Variants in GRID2 observed in about 807,000 individuals in gnomAD.
The protein encoded by GRID2 is glutamate receptor ionotropic, delta-2.
Under a neutral mutation model 114.8 loss-of-function variants are expected in GRID2, and 33 were observed. The observed-to-expected ratio is 0.29, with a 90% CI of 0.22 to 0.38. The LOEUF (loss-of-function observed/expected upper bound fraction) is 0.38. Among genes scored for constraint, GRID2 ranks in the 10% least tolerant of loss-of-function variants. The pLI is 1.00. For missense variants in GRID2, 1,184 were observed against 1,257.7 expected, an observed-to-expected ratio of 0.94 and a Z score of 0.89; for synonymous variants, 505 against 449.9, an observed-to-expected ratio of 1.12 and a Z score of -1.55.
At chr4:93,615,141 T>C (rs1217001947) in intron 13 of GRID2, among the ~76,000 whole-genome samples, 1 of 152,244 alleles carries the variant, frequency 6.6e-6, no homozygotes, top group Non-Finnish European at 1.5e-5. Context: ...GAGAGTTCAA[T>C]TATTAGCAAT....
chr4:92,768,021 G>T (rs778664074), intron 2 of GRID2, among the ~76,000 whole-genome samples: 2 of 151,440 alleles, frequency 1.3e-5, no homozygotes, highest in Non-Finnish European at 2.9e-5. Context: ...TGTTATTTGT[G>T]TACTTAAAAA....
chr4:93,036,940 T>C (rs1163654925), intron 2 of GRID2, among the ~76,000 whole-genome samples: 4 of 152,132 alleles, frequency 2.6e-5, no homozygotes, highest in Non-Finnish European at 5.9e-5. Flanking sequence ...AATATAACAA[T>C]TGGCAAAGAA....
chr4:92,511,224 T>C (rs1724229426), intron 1 of GRID2, among the ~76,000 whole-genome samples: 1 of 151,850 alleles, frequency 6.6e-6, no homozygotes. Context: ...ACACATCACA[T>C]GGCAAGAGTG....
intron 2 of GRID2, among the ~76,000 whole-genome samples, chr4:92,613,179 C>G (rs1054378172): frequency 2.0e-5 from 3 of 151,232 alleles, no homozygotes; most frequent in African/African-American, 7.3e-5. Flanking sequence ...TTGAGGTGAT[C>G]ATGTGGTTTT....
intron 13 of GRID2, among the ~76,000 whole-genome samples, chr4:93,539,395 T>G (rs1732425717): frequency 1.3e-5 from 2 of 152,036 alleles, no homozygotes; most frequent in Admixed American, 1.3e-4. Flanking sequence ...TAGCACTTAT[T>G]CAACCTCAAG....
At chr4:93,483,381 A>G (rs1553937223) in intron 11 of GRID2, among the ~76,000 whole-genome samples, 25 of 151,910 alleles carry the variant, frequency 1.6e-4, no homozygotes, top group Non-Finnish European at 8.8e-5. Flanking sequence ...GTTTTCTCCC[A>G]TTTTTTTCTA....
intron 2 of GRID2, among the ~76,000 whole-genome samples, chr4:92,876,813 G>A (rs76475201): frequency 0.04 from 6,153 of 152,250 alleles, 192 homozygotes; most frequent in East Asian, 0.14. Context: ...TTAGCAAGTA[G>A]CAAGCTAATT....
downstream of GRID2, among the ~76,000 whole-genome samples, chr4:93,778,393 C>CTTT (rs36000401): frequency 6.8e-3 from 666 of 98,580 alleles, 18 homozygotes; most frequent in East Asian, 0.022. Context: ...TCTCATTTGG[C>CTTT]TTTTTTTTTT....
intron 8 of GRID2, among the ~76,000 whole-genome samples, chr4:93,248,469 C>T (rs945829220): frequency 6.6e-6 from 1 of 152,138 alleles, no homozygotes. Flanking sequence ...TGACAACACT[C>T]ATGATATGAT....
intron 8 of GRID2, among the ~76,000 whole-genome samples, chr4:93,355,952 T>C (rs1389262166): frequency 6.6e-6 from 1 of 152,052 alleles, no homozygotes; most frequent in Non-Finnish European, 1.5e-5. Context: ...GCTGGTGCCC[T>C]CATTAATTAT....
At chr4:93,099,449 T>C (rs749451939) in intron 3 of GRID2, among the ~76,000 whole-genome samples, 1 of 152,016 alleles carries the variant, frequency 6.6e-6, no homozygotes, top group Middle Eastern at 3.4e-3. Context: ...GGTGGTAACC[T>C]TATATAAATC....
At position 93,055,978 on chromosome 4, in the gene GRID2, C is replaced by T. The variant is rs770671064; in HGVS notation, c.245-29017C>T. ...CTTTTGAATTCACACTCTTAGTTTA[C>T]GACATGCTGCTTTTCTGAATTCTTT... On this transcript the variant is annotated intron_variant, in intron 2 of 15. Transcript: ENST00000282020. 2.6e-4 allele frequency among the ~76,000 whole-genome samples: 39 copies of T among 151,942 alleles called. No homozygotes were observed. In the Middle Eastern group the frequency reaches 0.017, roughly 67 times the overall value.
intron 14 of GRID2, among the ~76,000 whole-genome samples, chr4:93,729,159 G>C (rs1315011797): frequency 6.6e-6 from 1 of 152,150 alleles, no homozygotes; most frequent in Non-Finnish European, 1.5e-5. Flanking sequence ...GCCTCCCAAA[G>C]TGCTGGGATT....
At chr4:93,779,093 GATGTGTCCA>G (rs2110349080), downstream of GRID2, among the ~76,000 whole-genome samples, 1 of 152,102 alleles carries the variant, frequency 6.6e-6, no homozygotes, top group East Asian at 1.9e-4. Context: ...CAAAGTTTTT[GATGTGTCCA>G]ATGGCTCAAT....
chr4:92,590,086 G>A (rs2149210915), intron 1 of GRID2, 45 bp from the exon 2 acceptor site: 1 of 1,337,672 alleles, frequency 7.5e-7, no homozygotes, highest in Non-Finnish European at 1.1e-6. Flanking sequence ...GGGGATGACA[G>A]AATATTTATG....
intron 1 of GRID2, among the ~76,000 whole-genome samples, chr4:92,567,980 G>A (rs146672870): frequency 6.4e-4 from 97 of 152,022 alleles, no homozygotes; most frequent in African/African-American, 2.2e-3. Flanking sequence ...GCATCAGATG[G>A]CCATATAAAC....
At position 92,963,018 on chromosome 4, in the gene GRID2, C is replaced by CTA. The variant is rs563329562; in HGVS notation, c.245-121974_245-121973dup. ...ATATCAAAGTTATGTTTCCACTGTG[C>CTA]TATAGTCTCTTAAGTATGCAATAGC... On this transcript the variant is annotated intron_variant, in intron 2 of 15. Coordinates refer to ENST00000282020, the MANE Select transcript of GRID2 (RefSeq NM_001510.4). Among the ~76,000 whole-genome samples, 147 of 152,096 alleles carry CTA rather than the reference C, an allele frequency of 9.7e-4. 1 individual carries two copies. The highest frequency in any genetic ancestry group is 1.8e-3 in the Non-Finnish European group (123 of 67,936).
At chr4:93,676,547 AC>A (rs774457662) in intron 14 of GRID2, among the ~76,000 whole-genome samples, 10 of 151,966 alleles carry the variant, frequency 6.6e-5, no homozygotes, top group Non-Finnish European at 1.3e-4. Flanking sequence ...TGTAACCTCC[AC>A]CCCCTTGTTA....
chr4:92,832,776 C>G (rs919628998), intron 2 of GRID2, among the ~76,000 whole-genome samples: 1 of 152,004 alleles, frequency 6.6e-6, no homozygotes, highest in African/African-American at 2.4e-5. Context: ...AACAGAGACT[C>G]TGTCACAATA....
Sources: allele counts gnomAD v4.1 joint callset (sites outside exome capture counted in the v4.1 genomes callset), GRCh38; gene constraint gnomAD v4.1.1; transcripts MANE v1.5; gene names NCBI Gene and HGNC (gene_info 2026-07-23, HGNC 2026-07-21).